EFCAB11: variants seen among roughly 807,000 people sequenced by gnomAD.
EFCAB11 encodes EF-hand calcium-binding domain-containing protein 11.
In EFCAB11, 14 loss-of-function variants were observed where a neutral mutation model predicts 23.0. The ratio of observed to expected loss-of-function variants is 0.61; its 90% CI spans 0.40 to 0.95. The LOEUF (loss-of-function observed/expected upper bound fraction) is 0.95, where lower values mean the gene tolerates loss of function less well. Ranked by LOEUF, EFCAB11 falls within the 40% of genes least tolerant of loss-of-function variation. EFCAB11 has a pLI of 0.00. For missense variants in EFCAB11, 198 were observed against 195.8 expected (o/e 1.01, Z -0.07); for synonymous variants, 65 against 66.6 (o/e 0.98, Z 0.11).
intron 3 of EFCAB11, among the ~76,000 whole-genome samples, chr14:89,945,717 T>C (rs1010152486): frequency 1.8e-4 from 28 of 152,172 alleles, no homozygotes; most frequent in Non-Finnish European, 4.4e-5. Context: ...GGTAGAACAT[T>C]CTATAGATTA....
chr14:89,858,485 T>C, intron 5 of EFCAB11, among the ~76,000 whole-genome samples: 1 of 152,008 alleles, frequency 6.6e-6, no homozygotes, highest in Admixed American at 6.6e-5. Flanking sequence ...AGGCTATAAA[T>C]GATGAAGGGT....
At chr14:89,846,357 G>A (rs1887432152) in intron 5 of EFCAB11, among the ~76,000 whole-genome samples, 1 of 152,184 alleles carries the variant, frequency 6.6e-6, no homozygotes, top group Non-Finnish European at 1.5e-5. Flanking sequence ...CACTAACCAT[G>A]AAGAATGTTT....
At chr14:89,860,750 A>C (rs1887896787) in intron 5 of EFCAB11, among the ~76,000 whole-genome samples, 1 of 152,244 alleles carries the variant, frequency 6.6e-6, no homozygotes, top group Non-Finnish European at 1.5e-5. Context: ...GTTTGTAAAA[A>C]TAATGTTTCT....
chr14:89,835,609 TGTG>T (rs1186261227), intron 5 of EFCAB11, among the ~76,000 whole-genome samples: 5 of 148,278 alleles, frequency 3.4e-5, no homozygotes, highest in Non-Finnish European at 7.5e-5. Flanking sequence ...TGTGTGTGTG[TGTG>T]TGTGTGTGTG....
intron 5 of EFCAB11, among the ~76,000 whole-genome samples, chr14:89,893,981 T>C (rs1377993204): frequency 6.6e-6 from 1 of 151,508 alleles, no homozygotes; most frequent in Non-Finnish European, 1.5e-5. Flanking sequence ...AATTCTTGAT[T>C]TTTTTTTTCT....
chr14:89,843,034 T>C (rs1388520607), intron 5 of EFCAB11, among the ~76,000 whole-genome samples: 1 of 152,162 alleles, frequency 6.6e-6, no homozygotes, highest in African/African-American at 2.4e-5. Context: ...ATGGGACTTA[T>C]CTATTTAGCT....
chr14:89,935,912 G>A (rs1332800075), intron 3 of EFCAB11, among the ~76,000 whole-genome samples: 1 of 152,104 alleles, frequency 6.6e-6, no homozygotes, highest in African/African-American at 2.4e-5. Context: ...GGAGGCTGAG[G>A]CACAAGAATC....
At position 89,796,659 on chromosome 14, in the gene EFCAB11, A is replaced by G. The variant is rs1452764907; in HGVS notation, c.*584T>C. On this transcript the variant is annotated 3_prime_UTR_variant, in exon 6 of 6. Coordinates refer to ENST00000316738, the MANE Select transcript of EFCAB11 (RefSeq NM_145231.4). ...AGGCCTGGCTGATTGCTTGGAACAT[A>G]GTAAGTATTCTGTATGTGTAGGTGC... 2.0e-5 allele frequency: 3 copies of G among 152,362 alleles called. No homozygotes were observed. The highest frequency in any genetic ancestry group is 2.0e-4 in the Admixed American group (3 of 15,296). The allele number at this position is 152,362 out of a possible 1,614,324, so 9.4% of individuals were successfully genotyped here. A position where few individuals can be genotyped will look rare whatever the true frequency, so the allele number is the denominator to read the frequency against.
chr14:89,954,575 C>T lies in EFCAB11; in HGVS notation c.75+11G>A, dbSNP rs1387479233. The T allele has an allele frequency of 1.9e-6, 3 of 1,613,302 alleles. No individual in the cohort carries two copies. Among genetic ancestry groups the T allele is most frequent in the South Asian group, 1.1e-5 (1 of 90,992 alleles). ...TGAAGTCCGAGGCTCAGTCGCCCTC[C>T]GGAAACCTACTTCCACCCACTTCCT... is the stretch of plus-strand genomic sequence containing the variant. On this transcript the variant is annotated intron_variant, in intron 1 of 5. Transcript: ENST00000316738.
chr14:89,797,364 G>A lies in EFCAB11; in HGVS notation c.411-40C>T, dbSNP rs772585331. ...AAAAAGTCATTTACACATTATTCTCGTTAACACCTATGCACCGAGAGCACA... is the reference window on the plus strand; with the variant it reads ...AAAAAGTCATTTACACATTATTCTCATTAACACCTATGCACCGAGAGCACA... On this transcript the variant is annotated intron_variant, in intron 5 of 5. Coordinates refer to ENST00000316738, the MANE Select transcript of EFCAB11 (RefSeq NM_145231.4). 69 of 1,566,396 alleles carry A rather than the reference G, an allele frequency of 4.4e-5. 1 individual carries two copies. The Admixed American group carries it at 8.0e-4, about 18-fold the overall frequency.
chr14:89,886,210 C>G (rs886097815), intron 5 of EFCAB11, among the ~76,000 whole-genome samples: 1 of 152,140 alleles, frequency 6.6e-6, no homozygotes, highest in African/African-American at 2.4e-5. Flanking sequence ...ATGAGGCCCT[C>G]TCACCTTATA....
At chr14:89,825,584 T>A (rs1346120015) in intron 5 of EFCAB11, among the ~76,000 whole-genome samples, 1 of 152,128 alleles carries the variant, frequency 6.6e-6, no homozygotes, top group African/African-American at 2.4e-5. Context: ...TGAGCTAGAC[T>A]GATGGGGGAG....
chr14:89,800,713 G>A (rs1164760095), intron 5 of EFCAB11, among the ~76,000 whole-genome samples: 1 of 152,174 alleles, frequency 6.6e-6, no homozygotes, highest in Non-Finnish European at 1.5e-5. Flanking sequence ...ATGCAAAAGG[G>A]AGACCTGGAA....
intron 5 of EFCAB11, among the ~76,000 whole-genome samples, chr14:89,927,651 T>G (rs1436228235): frequency 6.6e-6 from 1 of 152,240 alleles, no homozygotes; most frequent in African/African-American, 2.4e-5. Context: ...ACATCTCTGT[T>G]TCTTTGGCCT....
intron 5 of EFCAB11, among the ~76,000 whole-genome samples, chr14:89,867,632 A>C (rs999277812): frequency 6.6e-6 from 1 of 152,216 alleles, no homozygotes; most frequent in African/African-American, 2.4e-5. Flanking sequence ...GCTTGACTTA[A>C]TATGCATTTA....
At chr14:89,946,066 G>A (rs185603022) in intron 3 of EFCAB11, among the ~76,000 whole-genome samples, 7 of 151,980 alleles carry the variant, frequency 4.6e-5, no homozygotes, top group African/African-American at 1.7e-4. Context: ...TTACAGGCAT[G>A]CACCACCATG....
intron 3 of EFCAB11, among the ~76,000 whole-genome samples, chr14:89,934,620 C>G (rs186203019): frequency 6.6e-6 from 1 of 151,430 alleles, no homozygotes; most frequent in Non-Finnish European, 1.5e-5. Context: ...CTCAATCATA[C>G]GTACTGTAGC....
chr14:89,829,379 T>C lies in EFCAB11; in HGVS notation c.411-32055A>G, dbSNP rs574917026. ...GCTAGTGCGTTAAATCTTAGATTAT[T>C]CTCTTGTGTTGCATGATACTATGGA... On this transcript the variant is annotated intron_variant, in intron 5 of 5. Transcript: ENST00000316738. Among the ~76,000 whole-genome samples, 120 of 152,314 alleles carry C rather than the reference T, an allele frequency of 7.9e-4. 1 individual carries two copies. The South Asian group carries it at 0.025, about 32-fold the overall frequency.
intron 5 of EFCAB11, among the ~76,000 whole-genome samples, chr14:89,821,569 A>G (rs1216548996): frequency 1.3e-5 from 2 of 152,228 alleles, no homozygotes; most frequent in Non-Finnish European, 2.9e-5. Context: ...GCCATAAAGA[A>G]TGAAAAATAT....
Sources: gnomAD v4.1 joint callset for allele counts (sites outside exome capture counted in the v4.1 genomes callset) on GRCh38, gnomAD v4.1.1 for gene constraint, MANE v1.5 for transcripts, NCBI Gene and HGNC (gene_info 2026-07-23, HGNC 2026-07-21) for gene names.